The following PCDH15 variants were observed in gnomAD, a reference collection of about 807,000 sequenced individuals.
PCDH15 encodes protocadherin related 15.
Under a neutral mutation model 178.5 loss-of-function variants are expected in PCDH15, and 129 were observed. That is an observed-to-expected ratio of 0.72 (90% CI 0.63 to 0.84). The LOEUF (loss-of-function observed/expected upper bound fraction) is 0.84. Ranked by LOEUF, PCDH15 falls within the 40% of genes least tolerant of loss-of-function variation. The probability of loss-of-function intolerance (pLI) is 0.00; values close to 1 mark genes in which losing one functional copy is unlikely to be tolerated. For missense variants in PCDH15, 2,230 were observed against 2,099.9 expected, an observed-to-expected ratio of 1.06 and a Z score of -1.21; for synonymous variants, 800 against 732.0, an observed-to-expected ratio of 1.09 and a Z score of -1.50.
At chr10:53,867,810 A>G (rs1343068409) in intron 26 of PCDH15, among the ~76,000 whole-genome samples, 1 of 152,194 alleles carries the variant, frequency 6.6e-6, no homozygotes, top group Non-Finnish European at 1.5e-5. Context: ...ATGCATAAAA[A>G]TATTCTAATT....
chr10:55,201,957 T>C (rs1433158630), intron 1 of PCDH15, among the ~76,000 whole-genome samples: 1 of 152,138 alleles, frequency 6.6e-6, no homozygotes, highest in African/African-American at 2.4e-5. Flanking sequence ...TCCCCCTAGG[T>C]TTAGAAAATT....
chr10:54,372,822 A>G (rs1947869389), intron 4 of PCDH15, among the ~76,000 whole-genome samples: 1 of 151,948 alleles, frequency 6.6e-6, no homozygotes, highest in Non-Finnish European at 1.5e-5. Flanking sequence ...CAATTTAAAA[A>G]TGAGTGCTTA....
At chr10:54,777,746 T>G (rs1235142876) in intron 1 of PCDH15, among the ~76,000 whole-genome samples, 1 of 152,190 alleles carries the variant, frequency 6.6e-6, no homozygotes, top group Non-Finnish European at 1.5e-5. Context: ...TTTGTACTTA[T>G]TTGAAGAATA....
At chr10:54,558,215 T>C (rs1310581091) in intron 2 of PCDH15, among the ~76,000 whole-genome samples, 2 of 152,076 alleles carry the variant, frequency 1.3e-5, no homozygotes, top group Non-Finnish European at 2.9e-5. Context: ...TTCTGAGAAA[T>C]AAGAAACCAC....
chr10:54,610,614 A>G (rs1421013312), intron 2 of PCDH15, among the ~76,000 whole-genome samples: 1 of 151,890 alleles, frequency 6.6e-6, no homozygotes, highest in Non-Finnish European at 1.5e-5. Flanking sequence ...GCTTTCTATG[A>G]ATATTCTGTC....
In PCDH15 at chr10:53,828,555, T is replaced by G; in HGVS notation, c.4211+10A>C. On this transcript the variant is annotated intron_variant, in intron 31 of 37. Transcript: ENST00000644397. ...ATGAAAAGGATGTGTAAAATGTTAA[T>G]TATACTTACACTTTAAACCTGTTTG... 1 of 1,552,812 alleles carries G rather than the reference T, an allele frequency of 6.4e-7. No individual in the cohort carries two copies.
chr10:53,863,242 T>C (rs1372437804), intron 27 of PCDH15, among the ~76,000 whole-genome samples: 1 of 152,066 alleles, frequency 6.6e-6, no homozygotes, highest in Non-Finnish European at 1.5e-5. Flanking sequence ...TGAGTGCAGA[T>C]AGAAAAGAGA....
At chr10:55,278,643 A>G (rs953055859) in intron 1 of PCDH15, among the ~76,000 whole-genome samples, 5 of 152,248 alleles carry the variant, frequency 3.3e-5, no homozygotes, top group African/African-American at 1.2e-4. Flanking sequence ...AGTAATTAAG[A>G]TAATTCATTT....
intron 2 of PCDH15, among the ~76,000 whole-genome samples, chr10:54,596,773 C>T (rs563560731): frequency 6.6e-6 from 1 of 151,814 alleles, no homozygotes. Context: ...GCAAAGAGAA[C>T]ACAGAAAAAA....
intron 3 of PCDH15, among the ~76,000 whole-genome samples, chr10:54,870,744 C>A (rs1354692720): frequency 3.3e-5 from 5 of 151,832 alleles, no homozygotes; most frequent in Non-Finnish European, 2.9e-5. Context: ...CGAGATCGCA[C>A]CACTGCACTC....
intron 21 of PCDH15, among the ~76,000 whole-genome samples, chr10:53,983,078 G>A (rs1284343615): frequency 3.3e-5 from 5 of 151,720 alleles, no homozygotes; most frequent in Admixed American, 2.0e-4. Flanking sequence ...ATTTTACCCC[G>A]ACATGGTTTC....
At chr10:55,409,860 C>T (rs1051306223) in intron 2 of PCDH15, among the ~76,000 whole-genome samples, 10 of 152,006 alleles carry the variant, frequency 6.6e-5, no homozygotes, top group South Asian at 2.1e-4. Flanking sequence ...ATATTAAATA[C>T]GCGTACCTAA....
chr10:54,828,348 T>A (rs950495788), intron 3 of PCDH15, among the ~76,000 whole-genome samples: 7 of 152,016 alleles, frequency 4.6e-5, no homozygotes, highest in African/African-American at 1.7e-4. Flanking sequence ...AAATTGAGGA[T>A]GTTGATAATT....
chr10:54,735,917 G>C (rs1378393642), intron 1 of PCDH15, among the ~76,000 whole-genome samples: 1 of 140,530 alleles, frequency 7.1e-6, no homozygotes, highest in African/African-American at 2.7e-5. Flanking sequence ...CCTAATGCTA[G>C]ATGACGAGTT....
At chr10:55,080,389 G>A (rs2250880) in intron 2 of PCDH15, among the ~76,000 whole-genome samples, 41,997 of 151,960 alleles carry the variant, frequency 0.28, 7,528 homozygotes, top group African/African-American at 0.51. Flanking sequence ...AATGCCTGAT[G>A]ATCTGAGGTG....
At chr10:54,269,901 T>C (rs2057939782) in intron 8 of PCDH15, among the ~76,000 whole-genome samples, 1 of 152,064 alleles carries the variant, frequency 6.6e-6, no homozygotes, top group South Asian at 2.1e-4. Context: ...ATATAAAATG[T>C]TAAATGATAC....
rs139578107 is a variant in PCDH15 at position 53,951,771 on chromosome 10, G to A, written c.3122+7961C>T. 5.0e-3 allele frequency among the ~76,000 whole-genome samples: 763 copies of A among 152,258 alleles called. 7 individuals are homozygous for A. The highest frequency in any genetic ancestry group is 8.0e-3 in the Non-Finnish European group (543 of 68,032). On this transcript the variant is annotated intron_variant, in intron 23 of 37. Transcript: ENST00000644397. ...GGGCTTGTTTCACCCACTCAGCCTG[G>A]CAGGCTTCACTTGGCTTCTTCTACC... is the stretch of plus-strand genomic sequence containing the variant.
intron 35 of PCDH15, among the ~76,000 whole-genome samples, chr10:53,815,793 A>G (rs1275493090): frequency 6.6e-6 from 1 of 152,064 alleles, no homozygotes; most frequent in African/African-American, 2.4e-5. Context: ...GCCATAGGCA[A>G]TTGGTAATAT....
intron 29 of PCDH15, among the ~76,000 whole-genome samples, chr10:53,833,891 C>A (rs2077154056): frequency 6.6e-6 from 1 of 151,818 alleles, no homozygotes; most frequent in Non-Finnish European, 1.5e-5. Context: ...TTTCACATGC[C>A]TTCTCATTTC....
Sources: gnomAD v4.1 joint callset for allele counts (sites outside exome capture counted in the v4.1 genomes callset) on GRCh38, gnomAD v4.1.1 for gene constraint, MANE v1.5 for transcripts, NCBI Gene and HGNC (gene_info 2026-07-23, HGNC 2026-07-21) for gene names.